HADHB: variants seen among roughly 807,000 people sequenced by gnomAD.
HADHB encodes the protein hydroxyacyl-CoA dehydrogenase trifunctional multienzyme complex subunit beta, also known as trifunctional enzyme subunit beta, mitochondrial.
HADHB carries 50 observed loss-of-function variants against 61.9 expected under a neutral mutation model. The observed-to-expected ratio is 0.81, with a 90% CI of 0.64 to 1.02. The LOEUF (loss-of-function observed/expected upper bound fraction) is 1.02. Ranked by LOEUF, HADHB falls within the 50% of genes least tolerant of loss-of-function variation. The pLI is 0.00. For missense variants in HADHB, 504 were observed against 586.5 expected (o/e 0.86, Z 1.45); for synonymous variants, 191 against 201.6 (o/e 0.95, Z 0.45).
chr2:26,273,651 G>A lies in HADHB; in HGVS notation c.255G>A (p.Thr85=), dbSNP rs377077251. 5 of 1,544,678 alleles carry A rather than the reference G, an allele frequency of 3.2e-6. No homozygotes were observed. The highest frequency in any genetic ancestry group is 4.5e-6 in the Non-Finnish European group (5 of 1,117,106). The part of the protein sequence containing the change: ...MPHDLARAAL[T]GLLHRTSVPK... ...CTTTGCTTTGGATTTCTACTTCCAG[G>A]GGTTTGTTGCATCGGACCAGTGTCC... The change falls in exon 6 of 16, where the codon ACG becomes ACA. Residue 85 remains threonine, a splice_region_variant and synonymous_variant. Transcript: ENST00000317799.
At chr2:26,261,359 A>G (rs1671859455) in intron 3 of HADHB, 1 of 259,426 alleles carries the variant, frequency 3.9e-6, no homozygotes, top group Non-Finnish European at 7.4e-6. Flanking sequence ...TCTAAGCTTC[A>G]ATATTTCATG....
At chr2:26,251,132 G>A (rs80043223) in intron 1 of HADHB, among the ~76,000 whole-genome samples, 2,088 of 143,196 alleles carry the variant, frequency 0.015, 43 homozygotes, top group African/African-American at 0.048. Flanking sequence ...GATCAGTGTC[G>A]TTTATTCCTG....
chr2:26,257,535 C>T (rs867856425), intron 3 of HADHB, among the ~76,000 whole-genome samples: 1 of 152,114 alleles, frequency 6.6e-6, no homozygotes. Flanking sequence ...TCTGTCTCCT[C>T]TGTGGCACCT....
rs770044899 is a variant in HADHB, at chr2:26,279,258, G to T, written c.754G>T (p.Ala252Ser). The T allele has an allele frequency of 6.2e-6, 10 of 1,613,558 alleles. No individual in the cohort carries two copies. Among genetic ancestry groups the T allele is most frequent in the Non-Finnish European group, 8.5e-6 (10 of 1,179,538 alleles). The change falls in exon 9 of 16, where the codon GCC (alanine) becomes TCC (serine). Residue 252 changes from alanine (A) to serine (S), a missense_variant. Transcript: ENST00000317799. ...ATATGCACTGCGCTCTCACAGTCTA[G>T]CCAAGAAGGCACAGGATGAAGGACT... is the stretch of plus-strand genomic sequence containing the variant. ...DEYALRSHSL[A>S]KKAQDEGLLS...
At chr2:26,285,739 G>GTTTTTTTTTTTTTATTTTTTT (rs1673002253) in intron 15 of HADHB, among the ~76,000 whole-genome samples, 168 bp downstream of exon 15, 1 of 65,082 alleles carries the variant, frequency 1.5e-5, no homozygotes, top group Non-Finnish European at 2.9e-5. Context: ...TGTTTTTTGG[G>GTTTTTTTTTTTTTATTTTTTT]TTTTTTTTTT....
chr2:26,270,305 G>C (rs1672284293), intron 5 of HADHB, among the ~76,000 whole-genome samples: 1 of 152,168 alleles, frequency 6.6e-6, no homozygotes. Flanking sequence ...TACCTAGAAA[G>C]AAGCCTAAAA....
At chr2:26,249,005 C>T (rs905588833) in intron 1 of HADHB, among the ~76,000 whole-genome samples, 6 of 151,396 alleles carry the variant, frequency 4.0e-5, no homozygotes, top group Non-Finnish European at 8.8e-5. Context: ...TGCAGTGAGC[C>T]GAGATCGCGC....
chr2:26,253,903 A>AATAAATAAAAAT, intron 1 of HADHB, among the ~76,000 whole-genome samples: 1 of 150,080 alleles, frequency 6.7e-6, no homozygotes, highest in South Asian at 2.1e-4. Flanking sequence ...TAAATAAATA[A>AATAAATAAAAAT]AAATTCCAGC....
In HADHB at chr2:26,290,453, G is replaced by A. The variant is rs538337605; in HGVS notation, c.*500G>A. The stretch of plus-strand genomic sequence containing the variant: ...TATGGTGGTCAGCGTTAATAAAGTG[G>A]AGAAATATTGGAGAACTGTTTACCT... On this transcript the variant is annotated 3_prime_UTR_variant, in exon 16 of 16. Transcript: ENST00000317799. The A allele has an allele frequency of 7.1e-5, 12 of 170,070 alleles. No homozygotes were observed. The South Asian group carries it at 1.7e-3, about 24-fold the overall frequency. The allele number at this position is 170,070 out of a possible 1,614,324, so 10.5% of individuals were successfully genotyped here.
At position 26,264,989 on chromosome 2, in the gene HADHB, CAAA is replaced by C. The variant is rs79294625; in HGVS notation, c.209+1523_209+1525del. Among the ~76,000 whole-genome samples the C allele has an allele frequency of 2.3e-4, 23 of 100,094 alleles. No homozygotes were observed. The South Asian group carries it at 4.2e-3, about 18-fold the overall frequency. The allele number at this position is 100,094 out of a possible 152,430, so 65.7% of individuals were successfully genotyped here. ...TGGGCAACACAGCGAGACCCTGTTT[CAAA>C]AAAAAAAAAAAAGAAGAAGAAGTAA... On this transcript the variant is annotated intron_variant, in intron 4 of 15. Coordinates refer to ENST00000317799, the MANE Select transcript of HADHB (RefSeq NM_000183.3).
At chr2:26,256,702 C>G (rs536578054) in intron 3 of HADHB, among the ~76,000 whole-genome samples, 2 of 152,242 alleles carry the variant, frequency 1.3e-5, no homozygotes, top group Non-Finnish European at 2.9e-5. Context: ...TAGTTCAGCT[C>G]TAATATTTGC....
chr2:26,273,709 A>G lies in HADHB; in HGVS notation c.313A>G (p.Thr105Ala). Residue 105 changes from threonine (T) to alanine (A), a missense_variant, in exon 6 of 16, where the codon ACA becomes GCA. Transcript: ENST00000317799. ...AGTAGTTGATTATATCATCTTTGGT[A>G]CAGTTATTCAGGAAGTGAAAACAAG... The part of the protein sequence containing the change: ...KEVVDYIIFG[T>A]VIQEVKTSNV... The G allele has an allele frequency of 1.2e-6, 2 of 1,609,238 alleles. No homozygotes were observed. The highest frequency in any genetic ancestry group is 8.5e-7 in the Non-Finnish European group (1 of 1,175,618).
rs757103067 is a variant in HADHB at position 26,283,042 on chromosome 2, T to A, written c.1052T>A (p.Leu351Gln). The change falls in exon 12 of 16, where the codon CTA (leucine) becomes CAA (glutamine). Residue 351 changes from leucine (L) to glutamine (Q), a missense_variant. By Grantham distance (113) the Leu-to-Gln change is moderately radical. Coordinates refer to ENST00000317799, the MANE Select transcript of HADHB (RefSeq NM_000183.3). The part of the protein sequence containing the change: ...MYVSQDPKDQ[L>Q]LLGPTYATPK... ...GTGTCTCAGGATCCAAAAGATCAACTATTACTTGGGTAGGTAGCAGTTTGT... is the reference window on the plus strand; with the variant it reads ...GTGTCTCAGGATCCAAAAGATCAACAATTACTTGGGTAGGTAGCAGTTTGT... 4 of 1,606,044 alleles carry A rather than the reference T, an allele frequency of 2.5e-6. No individual in the cohort carries two copies. Among genetic ancestry groups the A allele is most frequent in the Non-Finnish European group, 8.5e-7 (1 of 1,172,588 alleles).
chr2:26,275,791 T>G (rs1438841209), intron 6 of HADHB, among the ~76,000 whole-genome samples: 1 of 152,236 alleles, frequency 6.6e-6, no homozygotes, highest in African/African-American at 2.4e-5. Context: ...CATTTCTGTT[T>G]CTATAGATTA....
chr2:26,285,739 G>GTTTTTTTTTGTTTTTTTTT lies in HADHB; in HGVS notation c.1389+177_1389+178insGTTTTTTTTTTTTTTTTTT, dbSNP rs1673001596. 7.7e-5 allele frequency among the ~76,000 whole-genome samples: 5 copies of GTTTTTTTTTGTTTTTTTTT among 65,084 alleles called. 1 individual carries two copies. The highest frequency in any genetic ancestry group is 3.3e-4 in the African/African-American group (5 of 15,134). The allele number at this position is 65,084 out of a possible 152,430, so 42.7% of individuals were successfully genotyped here. A position where few individuals can be genotyped will look rare whatever the true frequency, so the allele number is the denominator to read the frequency against. Reference sequence around the variant, plus strand: ...TCTGATAAAACTTTTTGTTTTTTGGGTTTTTTTTTTTTTTTTTTGAGACAG... The same window carrying GTTTTTTTTTGTTTTTTTTT: ...TCTGATAAAACTTTTTGTTTTTTGGGTTTTTTTTTGTTTTTTTTTTTTTTTTTTTTTTTTTTTGAGACAG... On this transcript the variant is annotated intron_variant, in intron 15 of 15. Transcript: ENST00000317799.
intron 1 of HADHB, among the ~76,000 whole-genome samples, chr2:26,253,861 T>TAAAA (rs576248716): frequency 2.0e-5 from 2 of 97,984 alleles, no homozygotes; most frequent in South Asian, 3.2e-4. Flanking sequence ...CTCAAAAAAA[T>TAAAA]AAATAAATAA....
chr2:26,255,872 C>T (rs980376848), intron 3 of HADHB, among the ~76,000 whole-genome samples: 1 of 152,140 alleles, frequency 6.6e-6, no homozygotes, highest in African/African-American at 2.4e-5. Flanking sequence ...ATAAATAATT[C>T]CTGTCTGTCT....
intron 10 of HADHB, among the ~76,000 whole-genome samples, chr2:26,282,543 A>G (rs1672836835): frequency 6.6e-6 from 1 of 152,140 alleles, no homozygotes; most frequent in Admixed American, 6.6e-5. Context: ...ACAGGCATAC[A>G]GGCATGAGCC....
rs1421730056 is a variant in HADHB, at chr2:26,249,014, G to A, written c.-9+4024G>A. On this transcript the variant is annotated intron_variant, in intron 1 of 15. Coordinates refer to ENST00000317799, the MANE Select transcript of HADHB (RefSeq NM_000183.3). ...GGAGGTTGCAGTGAGCCGAGATCGC[G>A]CCATTGCACTCCAACCTGGGGGACA... 2.6e-5 allele frequency among the ~76,000 whole-genome samples: 4 copies of A among 151,656 alleles called. No individual in the cohort carries two copies. The East Asian group carries it at 7.8e-4, about 30-fold the overall frequency.
Sources: gnomAD v4.1 joint callset for allele counts (sites outside exome capture counted in the v4.1 genomes callset) on GRCh38, gnomAD v4.1.1 for gene constraint, MANE v1.5 for transcripts, NCBI Gene and HGNC (gene_info 2026-07-23, HGNC 2026-07-21) for gene names.